The following TPM3 variants were observed in gnomAD, a reference collection of about 807,000 sequenced individuals.
TPM3 encodes tropomyosin alpha-3 chain.
A neutral mutation model predicts 43.1 loss-of-function variants in TPM3; 16 were observed. The observed-to-expected ratio is 0.37, with a 90% CI of 0.25 to 0.56. The LOEUF is 0.56. Among genes scored for constraint, TPM3 ranks in the 20% least tolerant of loss-of-function variants. TPM3 has a pLI of 0.77. For missense variants in TPM3, 176 were observed against 337.2 expected, an observed-to-expected ratio of 0.52 and a Z score of 3.74; for synonymous variants, 101 against 116.9, an observed-to-expected ratio of 0.86 and a Z score of 0.88.
intron 2 of TPM3, among the ~76,000 whole-genome samples, chr1:154,184,350 T>C (rs1213817450): frequency 6.6e-6 from 1 of 152,170 alleles, no homozygotes; most frequent in East Asian, 1.9e-4. Context: ...ATGCACCAAA[T>C]TAACCAACCT....
intron 1 of TPM3, chr1:154,191,523 A>C (rs1663680400): frequency 7.7e-7 from 1 of 1,291,940 alleles, no homozygotes; most frequent in South Asian, 1.5e-5. Flanking sequence ...TGACCAAGCC[A>C]TCCTGGGTTT....
chr1:154,187,684 G>T (rs996467844), intron 2 of TPM3, among the ~76,000 whole-genome samples: 7 of 151,464 alleles, frequency 4.6e-5, no homozygotes, highest in Non-Finnish European at 1.0e-4. Context: ...TGATTTTGAT[G>T]TATTGCGTAC....
chr1:154,182,450 T>C (rs553533120), intron 2 of TPM3, among the ~76,000 whole-genome samples: 1 of 152,290 alleles, frequency 6.6e-6, no homozygotes, highest in East Asian at 1.9e-4. Context: ...TGCTGCCTCA[T>C]TTCCTGAGCA....
At chr1:154,168,461 G>A (rs552974956) in intron 9 of TPM3, among the ~76,000 whole-genome samples, 15 of 152,224 alleles carry the variant, frequency 9.9e-5, no homozygotes, top group African/African-American at 3.4e-4. Flanking sequence ...AAGAAACTAT[G>A]AATACAAAAT....
downstream of TPM3, among the ~76,000 whole-genome samples, chr1:154,161,181 CAAGCATTTTGAATAAGGAATACTCAAA>C: frequency 6.7e-6 from 1 of 148,684 alleles, no homozygotes; most frequent in Admixed American, 6.7e-5. Context: ...CTTCTGCTCC[CAAGCATTTTGAATAAGGAATACTCAAA>C]ACTATACTAA....
chr1:154,191,159 C>T, intron 2 of TPM3, 27 bp downstream of exon 2: 1 of 1,613,186 alleles, frequency 6.2e-7, no homozygotes, highest in Non-Finnish European at 8.5e-7. Context: ...GTAGATTAAA[C>T]CCATCCTCCA....
chr1:154,170,211 A>T (rs1661414882), intron 8 of TPM3, 189 bp downstream of exon 8: 1 of 629,390 alleles, frequency 1.6e-6, no homozygotes, highest in Non-Finnish European at 2.8e-6. Flanking sequence ...AAAGGAAAAG[A>T]TTAAATTTAA....
intron 5 of TPM3, chr1:154,172,271 G>A (rs1471411044): frequency 2.6e-6 from 2 of 771,394 alleles, no homozygotes; most frequent in East Asian, 2.5e-5. Flanking sequence ...AGACGGGAAT[G>A]TAAGAGGGAA....
intron 3 of TPM3, among the ~76,000 whole-genome samples, chr1:154,174,557 A>G (rs1270568744): frequency 6.8e-6 from 1 of 147,648 alleles, no homozygotes; most frequent in African/African-American, 2.5e-5. Flanking sequence ...ACCAAAAAAA[A>G]GAGGGAGGCT....
intron 5 of TPM3, chr1:154,172,122 G>A (rs551959810): frequency 7.4e-6 from 12 of 1,613,908 alleles, no homozygotes; most frequent in South Asian, 2.2e-5. Flanking sequence ...TGATAGTCAC[G>A]GGGATGGCAC....
chr1:154,182,773 C>A (rs1374199003), intron 2 of TPM3, among the ~76,000 whole-genome samples: 1 of 152,128 alleles, frequency 6.6e-6, no homozygotes. Flanking sequence ...GGCTCAATTT[C>A]TTCAAAGGTC....
intron 3 of TPM3, among the ~76,000 whole-genome samples, chr1:154,175,256 G>C (rs957197483): frequency 6.6e-6 from 1 of 151,686 alleles, no homozygotes; most frequent in East Asian, 1.9e-4. Flanking sequence ...GCGTGAACCC[G>C]GGAGGCGGAG....
At chr1:154,159,530 C>T (rs1660136535), downstream of TPM3, among the ~76,000 whole-genome samples, 1 of 152,206 alleles carries the variant, frequency 6.6e-6, no homozygotes, top group Admixed American at 6.5e-5. Context: ...CACTCCTATA[C>T]TTTCTAATGC....
intron 2 of TPM3, among the ~76,000 whole-genome samples, chr1:154,184,444 A>T (rs1357691036): frequency 6.6e-6 from 1 of 152,212 alleles, no homozygotes; most frequent in Non-Finnish European, 1.5e-5. Flanking sequence ...CTGTAAGTCT[A>T]GGATTTTGGG....
At position 154,163,688 on chromosome 1, in the gene TPM3, C is replaced by T. The variant is rs887170513; in HGVS notation, c.*4249G>A. Among the ~76,000 whole-genome samples, 2 of 152,090 alleles carry T rather than the reference C, an allele frequency of 1.3e-5. No individual in the cohort carries two copies. The highest frequency in any genetic ancestry group is 4.8e-5 in the African/African-American group (2 of 41,402). On this transcript the variant is annotated 3_prime_UTR_variant, in exon 10 of 10. Transcript: ENST00000651641. ...TTGCTCTGTCACCCAGGCTGGAATG[C>T]CGTGGCACAATCTCAGCTCACTACA...
chr1:154,185,704 A>G (rs1001596681), intron 2 of TPM3, among the ~76,000 whole-genome samples: 1 of 150,052 alleles, frequency 6.7e-6, no homozygotes, highest in Non-Finnish European at 1.5e-5. Flanking sequence ...AGTGAGACAC[A>G]GTCTGAAAAA....
chr1:154,174,546 G>C (rs1662080577), intron 3 of TPM3, among the ~76,000 whole-genome samples: 1 of 134,916 alleles, frequency 7.4e-6, no homozygotes, highest in South Asian at 2.4e-4. Flanking sequence ...TTTTTTTTGA[G>C]ACCAAAAAAA....
At chr1:154,178,083 C>T in intron 2 of TPM3, 1 of 959,320 alleles carries the variant, frequency 1.0e-6, no homozygotes, top group Non-Finnish European at 1.2e-6. Context: ...TCAGGCAAGA[C>T]CTAGGAGACA....
At chr1:154,172,004 T>C (rs1571401515) in intron 5 of TPM3, 1 of 1,612,634 alleles carries the variant, frequency 6.2e-7, no homozygotes, top group South Asian at 1.1e-5. Flanking sequence ...ATATATAACC[T>C]TGCTGTGGGC....
Sources: allele counts gnomAD v4.1 joint callset (sites outside exome capture counted in the v4.1 genomes callset), GRCh38; gene constraint gnomAD v4.1.1; transcripts MANE v1.5; gene names NCBI Gene and HGNC (gene_info 2026-07-23, HGNC 2026-07-21).